Variants in MYO16 observed in about 807,000 individuals in gnomAD.
MYO16 encodes myosin XVI.
In MYO16, 94 loss-of-function variants were observed where a neutral mutation model predicts 205.3. The observed-to-expected ratio is 0.46, with a 90% CI of 0.39 to 0.54. MYO16 has a LOEUF of 0.54. Among genes scored for constraint, MYO16 ranks in the 20% least tolerant of loss-of-function variants. The pLI, the probability that MYO16 is intolerant of heterozygous loss-of-function variation, is 0.00. For missense variants in MYO16, 2,315 were observed against 2,387.5 expected (o/e 0.97, Z 0.63); for synonymous variants, 988 against 954.0 (o/e 1.04, Z -0.66).
intron 16 of MYO16, among the ~76,000 whole-genome samples, chr13:108,935,269 ATTTG>A (rs1472107807): frequency 1.3e-5 from 2 of 152,114 alleles, no homozygotes; most frequent in Non-Finnish European, 2.9e-5. Flanking sequence ...ATGTTTTCCC[ATTTG>A]TTTGTGTCAT....
At chr13:108,778,728 T>G (rs1170833889) in intron 4 of MYO16, among the ~76,000 whole-genome samples, 6 of 152,210 alleles carry the variant, frequency 3.9e-5, no homozygotes, top group Non-Finnish European at 7.3e-5. Context: ...GAAAATAATT[T>G]GATAAGACAG....
chr13:108,943,702 C>G (rs9301334), intron 16 of MYO16, among the ~76,000 whole-genome samples: 10,578 of 151,858 alleles, frequency 0.07, 523 homozygotes, highest in Middle Eastern at 0.22. Flanking sequence ...CCACCTGCCT[C>G]GGCCTCCCAA....
intron 2 of MYO16, among the ~76,000 whole-genome samples, chr13:108,699,080 C>G (rs1403300939): frequency 1.1e-5 from 1 of 92,066 alleles, no homozygotes; most frequent in East Asian, 3.0e-4. Flanking sequence ...CTCTCTGTCT[C>G]TCTCTCTCTC....
chr13:109,080,081 G>A (rs1167261577), intron 27 of MYO16, among the ~76,000 whole-genome samples: 1 of 104,340 alleles, frequency 9.6e-6, no homozygotes, highest in African/African-American at 3.3e-5. Flanking sequence ...TCACCATGTT[G>A]GTCAGGCTGG....
chr13:108,994,714 A>G (rs978201991), intron 21 of MYO16, among the ~76,000 whole-genome samples: 2 of 152,158 alleles, frequency 1.3e-5, no homozygotes, highest in African/African-American at 4.8e-5. Flanking sequence ...CTTCACTCGA[A>G]CGTCAACTCC....
the MYO16 span, among the ~76,000 whole-genome samples, chr13:108,519,949 T>C: frequency 2.6e-5 from 4 of 152,198 alleles, no homozygotes; most frequent in African/African-American, 4.8e-5. Context: ...ATATACCATA[T>C]CTAGAGGAAG....
chr13:108,588,119 A>T, the MYO16 span, among the ~76,000 whole-genome samples: 17 of 152,198 alleles, frequency 1.1e-4, no homozygotes, highest in Admixed American at 1.1e-3. Context: ...TTTTATTATT[A>T]TAAACACATA....
the MYO16 span, among the ~76,000 whole-genome samples, chr13:108,557,835 C>A: frequency 6.6e-6 from 1 of 152,004 alleles, no homozygotes; most frequent in Non-Finnish European, 1.5e-5. Context: ...TAAAAATGAG[C>A]ATTACATATG....
intron 1 of MYO16, among the ~76,000 whole-genome samples, chr13:108,604,684 C>A (rs745553673): frequency 5.9e-5 from 9 of 152,082 alleles, no homozygotes; most frequent in Non-Finnish European, 1.0e-4. Context: ...TTAGTGTAAT[C>A]CTTGACTTTT....
At chr13:109,095,227 T>C (rs1475045961) in intron 27 of MYO16, among the ~76,000 whole-genome samples, 1 of 152,198 alleles carries the variant, frequency 6.6e-6, no homozygotes, top group Non-Finnish European at 1.5e-5. Context: ...GAAGCCTAAA[T>C]ATAGGTGTCT....
At chr13:109,016,058 A>T (rs1885803166) in intron 22 of MYO16, among the ~76,000 whole-genome samples, 1 of 151,866 alleles carries the variant, frequency 6.6e-6, no homozygotes, top group Non-Finnish European at 1.5e-5. Context: ...TGATGTTAGG[A>T]TGTCGATTTT....
Position 108,784,799 on chromosome 13 carries a change from A to G in MYO16, c.508-836A>G, listed in dbSNP as rs370266577. Among the ~76,000 whole-genome samples, 13 of 152,292 alleles carry G rather than the reference A, an allele frequency of 8.5e-5. No individual in the cohort carries two copies. The East Asian group carries it at 9.7e-4, about 11-fold the overall frequency. On this transcript the variant is annotated intron_variant, in intron 4 of 34. Transcript: ENST00000457511. ...GGAGGTGTGTGGGAAATCTTGGACA[A>G]TGGGCATATGTTCACGCCATGCCCT...
chr13:108,931,913 AT>A (rs1222698537), intron 16 of MYO16, among the ~76,000 whole-genome samples: 1 of 151,834 alleles, frequency 6.6e-6, no homozygotes, highest in East Asian at 1.9e-4. Context: ...CCCCTTCTTC[AT>A]TTTTTTCTTC....
rs535390770 is a variant in MYO16, at chr13:108,667,633, C to G, written c.292+1484C>G. The stretch of plus-strand genomic sequence containing the variant: ...TCTCATACCTTCCAGCAGCATTGAG[C>G]AAAAGAGAGTAAAGTGATTGGTTCT... On this transcript the variant is annotated intron_variant, in intron 2 of 34. Coordinates refer to ENST00000457511, the MANE Select transcript of MYO16 (RefSeq NM_001198950.3). Among the ~76,000 whole-genome samples the G allele has an allele frequency of 4.6e-5, 7 of 152,214 alleles. No individual in the cohort carries two copies. The South Asian group carries it at 1.2e-3, about 27-fold the overall frequency.
chr13:108,769,049 T>G (rs1320687160), intron 4 of MYO16, among the ~76,000 whole-genome samples: 1 of 152,228 alleles, frequency 6.6e-6, no homozygotes, highest in Non-Finnish European at 1.5e-5. Context: ...TACAGTTATT[T>G]CCTCAGCACC....
Position 109,127,481 on chromosome 13 carries a change from A to G in MYO16, c.3982A>G (p.Thr1328Ala). Reference protein sequence around the residue: ...PPPKPKRDPNTRLSASYEAVS... With the variant: ...PPPKPKRDPNARLSASYEAVS... ...GCCCAAGCCAAAGAGGGACCCCAACACCCGGCTGAGTGCTTCCTATGAGGC... is the reference window on the plus strand; with the variant it reads ...GCCCAAGCCAAAGAGGGACCCCAACGCCCGGCTGAGTGCTTCCTATGAGGC... Residue 1328 changes from threonine (T) to alanine (A), a missense_variant, in exon 31 of 35, where the codon ACC becomes GCC. Physicochemically the swap from Thr to Ala is moderately conservative, Grantham distance 58 (BLOSUM62 0). Around this residue, in one of 3 missense-constraint regions of MYO16, gnomAD observed 1,097 missense variants for 1,092.0 expected, o/e 1.00. Transcript: ENST00000457511. This position sits in a 1 kb window ranked among gnomAD's most constrained non-coding sequence, Gnocchi z 4.2. The G allele has an allele frequency of 6.2e-7, 1 of 1,613,330 alleles. No homozygotes were observed. The highest frequency in any genetic ancestry group is 2.2e-5 in the East Asian group (1 of 44,812).
At position 108,612,061 on chromosome 13, in the gene MYO16, C is replaced by A. The variant is rs183838203; in HGVS notation, c.-39+15822C>A. 2.9e-5 allele frequency among the ~76,000 whole-genome samples: 4 copies of A among 136,392 alleles called. No individual in the cohort carries two copies. The East Asian group carries it at 7.1e-4, about 24-fold the overall frequency. The allele number at this position is 136,392 out of a possible 152,430, so 89.5% of individuals were successfully genotyped here. A position where few individuals can be genotyped will look rare whatever the true frequency, so the allele number is the denominator to read the frequency against. Reference sequence around the variant, plus strand: ...ATATTCTGATAAAGTAGACTCTTTACTTTCTTCACATATATATGCATGCAT... The same window carrying A: ...ATATTCTGATAAAGTAGACTCTTTAATTTCTTCACATATATATGCATGCAT... On this transcript the variant is annotated intron_variant, in intron 1 of 24. Transcript: ENST00000251041.
At chr13:108,759,638 G>T (rs948342788) in intron 4 of MYO16, among the ~76,000 whole-genome samples, 2 of 151,932 alleles carry the variant, frequency 1.3e-5, no homozygotes, top group African/African-American at 2.4e-5. Context: ...TGGCTAACAC[G>T]GTGAAACCCC....
chr13:108,933,885 G>A (rs764966012), intron 16 of MYO16, among the ~76,000 whole-genome samples: 21 of 152,006 alleles, frequency 1.4e-4, no homozygotes, highest in Non-Finnish European at 2.8e-4. Flanking sequence ...TTTCACTTAG[G>A]ATAATGTCCT....
Sources: allele counts gnomAD v4.1 joint callset (sites outside exome capture counted in the v4.1 genomes callset), GRCh38; gene constraint gnomAD v4.1.1; regional missense constraint gnomAD v4.1.1; non-coding constraint Gnocchi (gnomAD v3.1); transcripts MANE v1.5; gene names NCBI Gene and HGNC (gene_info 2026-07-23, HGNC 2026-07-21).